KLHDC4: variants seen among roughly 807,000 people sequenced by gnomAD.
KLHDC4 encodes kelch domain containing 4.
Under a neutral mutation model 62.4 loss-of-function variants are expected in KLHDC4, and 90 were observed. The ratio of observed to expected loss-of-function variants is 1.44; its 90% confidence interval spans 1.22 to 1.72. KLHDC4 has a LOEUF of 1.72. Ranked by LOEUF, KLHDC4 falls within the 40% of genes most tolerant of loss-of-function variation. The pLI is 0.00. For synonymous variants in KLHDC4, 386 were observed against 284.4 expected (o/e 1.36, Z -3.59); for missense variants, 1,025 against 699.7 (o/e 1.47, Z -5.25).
intron 4 of KLHDC4, among the ~76,000 whole-genome samples, chr16:87,754,562 G>A (rs1392035803): frequency 6.6e-6 from 1 of 152,212 alleles, no homozygotes; most frequent in Non-Finnish European, 1.5e-5. Context: ...GTGGTCACCT[G>A]ATGCGTTGAT....
exon 1 of KLHDC4, chr16:87,698,746 T>TCC (rs2034009252): frequency 6.6e-6 from 1 of 152,210 alleles, no homozygotes; most frequent in Non-Finnish European, 1.5e-5. Flanking sequence ...GAAGGCTGCT[T>TCC]CCCGCCTGTC....
At position 87,714,426 on chromosome 16, in the gene KLHDC4, G is replaced by C. The variant is rs1386079113; in HGVS notation, c.835+72C>G. ...GCTCACCGCCAGCCCCACATCCATG[G>C]GAGGGTGTGGGCTCTGCCTCCCGCC... is the stretch of plus-strand genomic sequence containing the variant. On this transcript the variant is annotated intron_variant, in intron 8 of 11. Transcript: ENST00000270583. 8 of 1,417,570 alleles carry C rather than the reference G, an allele frequency of 5.6e-6. No homozygotes were observed. The East Asian group carries it at 2.7e-4, about 48-fold the overall frequency. The allele number at this position is 1,417,570 out of a possible 1,614,324, so 87.8% of individuals were successfully genotyped here. A position where few individuals can be genotyped will look rare whatever the true frequency, so the allele number is the denominator to read the frequency against.
intron 7 of KLHDC4, among the ~76,000 whole-genome samples, chr16:87,715,809 G>T (rs6540069): frequency 0.065 from 9,874 of 152,240 alleles, 1,095 homozygotes; most frequent in African/African-American, 0.23. Flanking sequence ...TCAGCTCTAT[G>T]TTCTCACAGA....
At chr16:87,763,492 C>G (rs2046178666) in intron 1 of KLHDC4, 1 of 152,142 alleles carries the variant, frequency 6.6e-6, no homozygotes, top group African/African-American at 2.4e-5. Context: ...TAGTCCCAAA[C>G]TACTCGGGAG....
intron 9 of KLHDC4, chr16:87,710,443 G>A (rs2035570491): frequency 6.6e-6 from 1 of 152,218 alleles, no homozygotes; most frequent in Non-Finnish European, 1.5e-5. Context: ...CTGCAACAGT[G>A]AGTTTCAAAA....
At chr16:87,715,540 C>T (rs952731495) in intron 7 of KLHDC4, among the ~76,000 whole-genome samples, 1 of 152,166 alleles carries the variant, frequency 6.6e-6, no homozygotes, top group African/African-American at 2.4e-5. Context: ...TTCCTCTGGG[C>T]CCTGAGCTTC....
At chr16:87,747,005 C>T (rs938234541) in intron 5 of KLHDC4, among the ~76,000 whole-genome samples, 2 of 152,212 alleles carry the variant, frequency 1.3e-5, no homozygotes, top group East Asian at 1.9e-4. Context: ...GGCTGCCATC[C>T]GCAGCTGCCG....
intron 5 of KLHDC4, among the ~76,000 whole-genome samples, chr16:87,739,554 C>G (rs2041925929): frequency 6.9e-6 from 1 of 145,844 alleles, no homozygotes; most frequent in Admixed American, 6.9e-5. Context: ...ACCAGCACCT[C>G]ATCCATCCAC....
chr16:87,708,934 GCTCAGACCCAGGGC>G (rs1567647428), intron 10 of KLHDC4, among the ~76,000 whole-genome samples: 1 of 152,254 alleles, frequency 6.6e-6, no homozygotes, highest in Non-Finnish European at 1.5e-5. Flanking sequence ...AAGGCTGGAG[GCTCAGACCCAGGGC>G]CTCGGGGCCC....
At chr16:87,705,143 G>C (rs1462338681), downstream of KLHDC4, among the ~76,000 whole-genome samples, 2 of 152,262 alleles carry the variant, frequency 1.3e-5, no homozygotes, top group African/African-American at 4.8e-5. Flanking sequence ...GAGGAACTGG[G>C]CAAGAACGTG....
chr16:87,705,650 C>T (rs546688606), downstream of KLHDC4, among the ~76,000 whole-genome samples: 1 of 152,266 alleles, frequency 6.6e-6, no homozygotes, highest in Non-Finnish European at 1.5e-5. Flanking sequence ...GAAAAACTGT[C>T]TCTCATAACA....
chr16:87,709,218 G>T, intron 10 of KLHDC4, 47 bp downstream of exon 10: 1 of 1,574,494 alleles, frequency 6.4e-7, no homozygotes, highest in Non-Finnish European at 8.6e-7. Flanking sequence ...ACACACGACC[G>T]TGGGCTCTCG....
intron 5 of KLHDC4, among the ~76,000 whole-genome samples, chr16:87,748,407 CAGGCAGCGAG>C (rs1290683041): frequency 6.6e-6 from 1 of 152,226 alleles, no homozygotes; most frequent in Non-Finnish European, 1.5e-5. Context: ...AGCTGCAACA[CAGGCAGCGAG>C]AGGCTGGTGG....
rs752151575 is a variant in KLHDC4, at chr16:87,726,751, A to AC, written c.759+13dup. On this transcript the variant is annotated intron_variant, in intron 7 of 11. Transcript: ENST00000270583. ...GGTCCCACGCCTTGCCTGTTTCCCC[A>AC]CCCCCCGCCTTACCTGTTTCGAGTA... 2 of 1,202,202 alleles carry AC rather than the reference A, an allele frequency of 1.7e-6. No individual in the cohort carries two copies. Among genetic ancestry groups the AC allele is most frequent in the Non-Finnish European group, 2.1e-6 (2 of 954,160 alleles). 74.5% of individuals were successfully genotyped at this position (1,202,202 alleles called of 1,614,324 possible).
chr16:87,731,591 A>C (rs13330303), intron 5 of KLHDC4, among the ~76,000 whole-genome samples: 1 of 151,982 alleles, frequency 6.6e-6, no homozygotes, highest in African/African-American at 2.4e-5. Flanking sequence ...TCAAGACAAC[A>C]TCAAGTGCTG....
At chr16:87,761,079 C>G (rs1314623878) in intron 2 of KLHDC4, among the ~76,000 whole-genome samples, 1 of 152,046 alleles carries the variant, frequency 6.6e-6, no homozygotes. Context: ...TTACATTTGG[C>G]CCTGAGGGCA....
In KLHDC4 at chr16:87,734,819, C is replaced by T. The variant is rs1162176085; in HGVS notation, c.507-4175G>A. Among the ~76,000 whole-genome samples the T allele has an allele frequency of 2.0e-5, 3 of 152,146 alleles. No homozygotes were observed. In the East Asian group the frequency reaches 5.8e-4, roughly 29 times the overall value. ...GCAGCTCCATCCCCTCCGGGCTTGGCACCGCAGGGGACAGCACCATCCAGC... is the reference window on the plus strand; with the variant it reads ...GCAGCTCCATCCCCTCCGGGCTTGGTACCGCAGGGGACAGCACCATCCAGC... On this transcript the variant is annotated intron_variant, in intron 5 of 11. Transcript: ENST00000270583.
chr16:87,718,571 GC>G (rs2037550858), intron 7 of KLHDC4, among the ~76,000 whole-genome samples: 2 of 151,628 alleles, frequency 1.3e-5, no homozygotes, highest in South Asian at 4.2e-4. Flanking sequence ...ATCTCGGCTC[GC>G]TACAACCCCC....
chr16:87,765,211 G>A, intron 1 of KLHDC4: 1 of 456,058 alleles, frequency 2.2e-6, no homozygotes, highest in South Asian at 1.5e-5. Flanking sequence ...CCCGGGCTGA[G>A]GACCAGAGGG....
Sources: gnomAD v4.1 joint callset for allele counts (sites outside exome capture counted in the v4.1 genomes callset) on GRCh38, gnomAD v4.1.1 for gene constraint, MANE v1.5 for transcripts, NCBI Gene and HGNC (gene_info 2026-07-23, HGNC 2026-07-21) for gene names.